The following PDZD8 variants were observed in gnomAD, a reference collection of about 807,000 sequenced individuals.
PDZD8 encodes PDZ domain containing 8.
Under a neutral mutation model 85.8 loss-of-function variants are expected in PDZD8, and 14 were observed. The ratio of observed to expected loss-of-function variants is 0.16; its 90% CI spans 0.11 to 0.26. PDZD8 has a LOEUF of 0.26. Ranked by LOEUF, PDZD8 falls within the 10% of genes least tolerant of loss-of-function variation. The pLI is 1.00. For missense variants in PDZD8, 1,197 were observed against 1,424.3 expected (o/e 0.84, Z 2.57); for synonymous variants, 592 against 568.6 (o/e 1.04, Z -0.59).
chr10:117,316,189 C>T lies in PDZD8; in HGVS notation c.1098+2683G>A, dbSNP rs186899451. Among the ~76,000 whole-genome samples, 25 of 152,244 alleles carry T rather than the reference C, an allele frequency of 1.6e-4. No homozygotes were observed. The East Asian group carries it at 3.5e-3, about 21-fold the overall frequency. On this transcript the variant is annotated intron_variant, in intron 3 of 4. Transcript: ENST00000334464. The stretch of plus-strand genomic sequence containing the variant: ...AAGAACAAACACAACCACAAGGTAC[C>T]TCATTTATCCTATGAGCTCTTTTAT...
At chr10:117,332,857 C>A (rs1166736032) in intron 2 of PDZD8, among the ~76,000 whole-genome samples, 2 of 150,472 alleles carry the variant, frequency 1.3e-5, no homozygotes, top group African/African-American at 4.9e-5. Context: ...GTGGCTCATG[C>A]CTGTAATCCC....
intron 2 of PDZD8, among the ~76,000 whole-genome samples, chr10:117,333,118 A>AAAAAAAAACAAAC (rs1554854836): frequency 1.0e-5 from 1 of 97,552 alleles, no homozygotes; most frequent in Non-Finnish European, 2.0e-5. Context: ...ACTCTGTCTC[A>AAAAAAAAACAAAC]AAAAAAAAAA....
chr10:117,346,202 C>T lies in PDZD8; in HGVS notation c.873-5100G>A, dbSNP rs530086117. Reference sequence around the variant, plus strand: ...GTTGCAGTGAGCCGAGATTGCACTCCAGCCTAGGCAACAAGAGCGAAACTC... The same window carrying T: ...GTTGCAGTGAGCCGAGATTGCACTCTAGCCTAGGCAACAAGAGCGAAACTC... On this transcript the variant is annotated intron_variant, in intron 1 of 4. Transcript: ENST00000334464. Among the ~76,000 whole-genome samples the T allele has an allele frequency of 2.3e-3, 322 of 138,094 alleles. 1 individual carries two copies. Among genetic ancestry groups the T allele is most frequent in the Admixed American group, 3.4e-3 (41 of 12,186 alleles). The allele number at this position is 138,094 out of a possible 152,430, so 90.6% of individuals were successfully genotyped here.
intron 3 of PDZD8, among the ~76,000 whole-genome samples, chr10:117,296,434 T>C (rs954867623): frequency 3.3e-5 from 5 of 152,106 alleles, no homozygotes; most frequent in African/African-American, 1.2e-4. Context: ...TCTTCCCAAA[T>C]TTATCTACAA....
chr10:117,361,781 T>C (rs181461470), intron 1 of PDZD8, among the ~76,000 whole-genome samples: 60 of 152,312 alleles, frequency 3.9e-4, no homozygotes, highest in Non-Finnish European at 1.5e-5. Context: ...GTTGCGACTG[T>C]ACAGAACTTG....
chr10:117,350,179 C>T (rs1844779255), intron 1 of PDZD8, among the ~76,000 whole-genome samples: 1 of 151,888 alleles, frequency 6.6e-6, no homozygotes, highest in South Asian at 2.1e-4. Context: ...AAGTAACTTG[C>T]TCAGGGATAC....
intron 3 of PDZD8, among the ~76,000 whole-genome samples, chr10:117,303,251 G>C (rs1175643371): frequency 6.6e-6 from 1 of 152,222 alleles, no homozygotes; most frequent in Non-Finnish European, 1.5e-5. Context: ...TTGGGAACTG[G>C]AGTAAAGGTG....
At position 117,287,869 on chromosome 10, in the gene PDZD8, C is replaced by G. The variant is rs192708737; in HGVS notation, c.1261+2317G>C. Among the ~76,000 whole-genome samples, 9 of 152,288 alleles carry G rather than the reference C, an allele frequency of 5.9e-5. No individual in the cohort carries two copies. In the East Asian group the frequency reaches 1.5e-3, roughly 26 times the overall value. ...TTCATTATTTATCTAGCTTTAAGTTCTACTACGTCCTTCTAACCATACTAT... is the reference window on the plus strand; with the variant it reads ...TTCATTATTTATCTAGCTTTAAGTTGTACTACGTCCTTCTAACCATACTAT... On this transcript the variant is annotated intron_variant, in intron 4 of 4. Transcript: ENST00000334464.
intron 3 of PDZD8, among the ~76,000 whole-genome samples, chr10:117,315,602 A>AAAAAAAAAAAC (rs1564697036): frequency 3.5e-5 from 5 of 143,312 alleles, no homozygotes; most frequent in South Asian, 2.2e-4. Flanking sequence ...AAAAAAAAAA[A>AAAAAAAAAAAC]AAAAAAAAAA....
At chr10:117,317,640 C>T (rs550147172) in intron 3 of PDZD8, among the ~76,000 whole-genome samples, 8 of 152,146 alleles carry the variant, frequency 5.3e-5, no homozygotes, top group South Asian at 2.1e-4. Flanking sequence ...TCAAAGTAAA[C>T]GCAAAAATTT....
intron 3 of PDZD8, among the ~76,000 whole-genome samples, chr10:117,291,822 C>A (rs1844772027): frequency 6.7e-6 from 1 of 149,566 alleles, no homozygotes. Flanking sequence ...ACAACAACAT[C>A]ATCATGCTAT....
Position 117,283,292 on chromosome 10 carries a change from T to A in PDZD8, c.3441A>T (p.Leu1147Phe), listed in dbSNP as rs201348032. Residue 1147 changes from leucine (L) to phenylalanine (F), a missense_variant, in exon 5 of 5, where the codon TTA becomes TTT. Leu to Phe is a conservative substitution (Grantham distance 22). Coordinates refer to ENST00000334464, the MANE Select transcript of PDZD8 (RefSeq NM_173791.5). ...SQPFSSISDD[L>F]FGPSESV Reference sequence around the variant, plus strand: ...GCTACACAGACTCGGATGGGCCAAATAAGTCATCTGATATGCTGCTGAATG... The same window carrying A: ...GCTACACAGACTCGGATGGGCCAAAAAAGTCATCTGATATGCTGCTGAATG... 1 of 1,612,632 alleles carries A rather than the reference T, an allele frequency of 6.2e-7. No homozygotes were observed. The highest frequency in any genetic ancestry group is 2.2e-5 in the East Asian group (1 of 44,864).
At chr10:117,345,482 G>T (rs2255385) in intron 1 of PDZD8, among the ~76,000 whole-genome samples, 133,024 of 152,102 alleles carry the variant, frequency 0.87, 58,703 homozygotes, top group Non-Finnish European at 0.94. Flanking sequence ...TAACACTAGT[G>T]GGGGGGTAAG....
chr10:117,308,862 G>A (rs1333845132), intron 3 of PDZD8, among the ~76,000 whole-genome samples: 5 of 152,122 alleles, frequency 3.3e-5, no homozygotes, highest in African/African-American at 1.2e-4. Flanking sequence ...GTTAATGCAT[G>A]TAAAATCTTA....
chr10:117,293,694 A>C (rs1843706328), intron 3 of PDZD8, among the ~76,000 whole-genome samples: 1 of 152,172 alleles, frequency 6.6e-6, no homozygotes, highest in African/African-American at 2.4e-5. Flanking sequence ...GTGGAGGCAC[A>C]GGCAACCTCA....
chr10:117,288,800 GC>G (rs1844709943), intron 4 of PDZD8, among the ~76,000 whole-genome samples: 1 of 152,186 alleles, frequency 6.6e-6, no homozygotes, highest in Non-Finnish European at 1.5e-5. Context: ...GAGCCACTGA[GC>G]CCGGCCTGTT....
intron 3 of PDZD8, among the ~76,000 whole-genome samples, chr10:117,307,293 A>G (rs1444345272): frequency 6.6e-6 from 1 of 152,056 alleles, no homozygotes; most frequent in Non-Finnish European, 1.5e-5. Flanking sequence ...CTAAACATAT[A>G]TAACTTATCT....
In PDZD8 at chr10:117,325,404, C is replaced by CTTTTTTTTTTTTTTTTTTT. The variant is rs71013659; in HGVS notation, c.996-6431_996-6430insAAAAAAAAAAAAAAAAAAA. ...CTATCAAAAGTTCCAGAAAAGCCAA[C>CTTTTTTTTTTTTTTTTTTT]TTTTTTTTTTTTTTTTGAGACAGAG... On this transcript the variant is annotated intron_variant, in intron 2 of 4. Coordinates refer to ENST00000334464, the MANE Select transcript of PDZD8 (RefSeq NM_173791.5). Among the ~76,000 whole-genome samples the CTTTTTTTTTTTTTTTTTTT allele has an allele frequency of 6.0e-5, 6 of 99,824 alleles. 1 individual carries two copies. The highest frequency in any genetic ancestry group is 9.7e-5 in the Non-Finnish European group (5 of 51,772). The allele number at this position is 99,824 out of a possible 152,430, so 65.5% of individuals were successfully genotyped here.
At chr10:117,354,357 T>G (rs1180576055) in intron 1 of PDZD8, among the ~76,000 whole-genome samples, 1 of 152,232 alleles carries the variant, frequency 6.6e-6, no homozygotes, top group Non-Finnish European at 1.5e-5. Context: ...TGGCTTGTTA[T>G]AAGCACACAA....
Sources: gnomAD v4.1 joint callset for allele counts (sites outside exome capture counted in the v4.1 genomes callset) on GRCh38, gnomAD v4.1.1 for gene constraint, MANE v1.5 for transcripts, NCBI Gene and HGNC (gene_info 2026-07-23, HGNC 2026-07-21) for gene names.